The following OTUD7A variants were observed in gnomAD, a reference collection of about 807,000 sequenced individuals.
The protein encoded by OTUD7A is OTU deubiquitinase 7A, also known as OTU domain-containing protein 7A.
OTUD7A carries 12 observed loss-of-function variants against 65.7 expected under a neutral mutation model. That is an observed-to-expected ratio of 0.18 (90% CI 0.12 to 0.30). OTUD7A has a LOEUF of 0.30. OTUD7A is among the 10% of genes least tolerant of loss of function. OTUD7A has a pLI of 1.00. For missense variants in OTUD7A, 1,148 were observed against 1,304.8 expected, an observed-to-expected ratio of 0.88 and a Z score of 1.85; for synonymous variants, 641 against 586.3, an observed-to-expected ratio of 1.09 and a Z score of -1.35.
At chr15:31,629,523 A>G (rs963678465) in intron 3 of OTUD7A, among the ~76,000 whole-genome samples, 2 of 152,166 alleles carry the variant, frequency 1.3e-5, no homozygotes, top group Non-Finnish European at 2.9e-5. Flanking sequence ...TTTTGCATCA[A>G]TGTTCATCAA....
intron 3 of OTUD7A, among the ~76,000 whole-genome samples, chr15:31,591,314 G>C (rs1048616546): frequency 2.6e-5 from 4 of 151,900 alleles, no homozygotes; most frequent in Admixed American, 2.0e-4. Context: ...ACATGGGGAA[G>C]GGGCACATCC....
chr15:31,775,752 G>T (rs1391981606), intron 1 of OTUD7A, among the ~76,000 whole-genome samples: 1 of 152,192 alleles, frequency 6.6e-6, no homozygotes, highest in Non-Finnish European at 1.5e-5. Context: ...GTAGACATGG[G>T]CATGGCAGCA....
At chr15:31,499,766 G>C (rs184053556) in intron 10 of OTUD7A, among the ~76,000 whole-genome samples, 22 of 152,330 alleles carry the variant, frequency 1.4e-4, no homozygotes, top group African/African-American at 5.0e-4. Flanking sequence ...CCAGTGGGCT[G>C]CTTTGACTGT....
intron 8 of OTUD7A, among the ~76,000 whole-genome samples, chr15:31,520,140 A>G (rs2041918141): frequency 6.6e-6 from 1 of 152,202 alleles, no homozygotes; most frequent in African/African-American, 2.4e-5. Flanking sequence ...ATAAAAAACA[A>G]TAAATTTCAT....
chr15:31,835,771 T>A (rs373399366), intron 1 of OTUD7A, among the ~76,000 whole-genome samples: 1 of 151,696 alleles, frequency 6.6e-6, no homozygotes, highest in Non-Finnish European at 1.5e-5. Flanking sequence ...TATATCTGTA[T>A]ACACATACAC....
Position 31,646,529 on chromosome 15 carries a change from T to C in OTUD7A, c.151+8567A>G, listed in dbSNP as rs36118144. Among the ~76,000 whole-genome samples the C allele has an allele frequency of 6.2e-3, 934 of 151,642 alleles. 12 individuals are homozygous for C. The highest frequency in any genetic ancestry group is 0.048 in the East Asian group (248 of 5,152). The stretch of plus-strand genomic sequence containing the variant: ...AGGCTGGAGTACAATGGTGTGATCT[T>C]GGCTCACTGCAACCTCTGCCTCCTG... On this transcript the variant is annotated intron_variant, in intron 3 of 12. Coordinates refer to ENST00000307050, the MANE Select transcript of OTUD7A (RefSeq NM_001382637.1).
intron 1 of OTUD7A, among the ~76,000 whole-genome samples, chr15:31,663,895 C>T (rs961939147): frequency 1.3e-5 from 2 of 152,132 alleles, no homozygotes; most frequent in Non-Finnish European, 2.9e-5. Flanking sequence ...CATAGCTTAG[C>T]TCCCACATAT....
At chr15:31,797,003 G>A (rs1415147403) in intron 1 of OTUD7A, among the ~76,000 whole-genome samples, 1 of 152,204 alleles carries the variant, frequency 6.6e-6, no homozygotes, top group Non-Finnish European at 1.5e-5. Flanking sequence ...CAAAGTGCTG[G>A]GATTACAGGC....
intron 3 of OTUD7A, among the ~76,000 whole-genome samples, chr15:31,592,655 C>T (rs1035150570): frequency 6.6e-6 from 1 of 151,444 alleles, no homozygotes; most frequent in Non-Finnish European, 1.5e-5. Flanking sequence ...CTGAGGCGGG[C>T]AGATCACGAG....
chr15:31,790,134 T>TC (rs754173760), intron 1 of OTUD7A, among the ~76,000 whole-genome samples: 24 of 152,192 alleles, frequency 1.6e-4, no homozygotes, highest in Non-Finnish European at 3.2e-4. Context: ...CGGGAGTACA[T>TC]CACACTTCCT....
intron 1 of OTUD7A, among the ~76,000 whole-genome samples, chr15:31,718,947 C>A (rs1033908463): frequency 2.6e-4 from 39 of 150,632 alleles, no homozygotes; most frequent in Middle Eastern, 3.4e-3. Context: ...TTTATATAAC[C>A]TGCTATTCTA....
chr15:31,850,554 T>TATAATAATA (rs71113425), intron 1 of OTUD7A, among the ~76,000 whole-genome samples: 35 of 150,258 alleles, frequency 2.3e-4, no homozygotes, highest in African/African-American at 7.3e-4. Context: ...AAACTTAAAG[T>TATAATAATA]ATAATAATAA....
At chr15:31,557,960 G>A (rs1888553357) in intron 5 of OTUD7A, 1 of 152,188 alleles carries the variant, frequency 6.6e-6, no homozygotes, top group African/African-American at 2.4e-5. Context: ...CTTGGAAGTG[G>A]AGGCTCCACT....
chr15:31,766,362 AAAC>A, intron 1 of OTUD7A: 1 of 1,591,948 alleles, frequency 6.3e-7, no homozygotes, highest in Non-Finnish European at 8.6e-7. Flanking sequence ...GGGAAATAAC[AAAC>A]AACATAACTG....
At chr15:31,717,467 A>C (rs568357662) in intron 1 of OTUD7A, among the ~76,000 whole-genome samples, 4 of 151,886 alleles carry the variant, frequency 2.6e-5, no homozygotes, top group African/African-American at 9.7e-5. Flanking sequence ...TTCAACTCCC[A>C]CTTATGAGTG....
intron 1 of OTUD7A, among the ~76,000 whole-genome samples, chr15:31,679,062 G>A (rs1289687720): frequency 9.9e-5 from 15 of 152,218 alleles, no homozygotes; most frequent in Admixed American, 2.0e-4. Context: ...GGAGTCAGAG[G>A]AGATCATTTT....
At chr15:31,678,492 G>T (rs1422160554) in intron 1 of OTUD7A, among the ~76,000 whole-genome samples, 3 of 152,192 alleles carry the variant, frequency 2.0e-5, no homozygotes, top group African/African-American at 7.2e-5. Flanking sequence ...CGGTTTTGTG[G>T]GTTGGGCCCA....
intron 1 of OTUD7A, among the ~76,000 whole-genome samples, chr15:31,738,843 C>T (rs1035687776): frequency 1.3e-5 from 2 of 152,238 alleles, no homozygotes; most frequent in South Asian, 4.1e-4. Context: ...TCAAATTACT[C>T]TTCAGCGGAC....
In OTUD7A at chr15:31,596,084, C is replaced by T. The variant is rs978377523; in HGVS notation, c.152-25887G>A. 3.3e-5 allele frequency among the ~76,000 whole-genome samples: 5 copies of T among 152,150 alleles called. No homozygotes were observed. In the East Asian group the frequency reaches 7.7e-4, roughly 23 times the overall value. ...ATCTATTTTAAAGTCACCTGATTAG[C>T]GACCTGAATTCCATCTGCAAAGTCC... On this transcript the variant is annotated intron_variant, in intron 3 of 12. Transcript: ENST00000307050.
Sources: gnomAD v4.1 joint callset for allele counts (sites outside exome capture counted in the v4.1 genomes callset) on GRCh38, gnomAD v4.1.1 for gene constraint, MANE v1.5 for transcripts, NCBI Gene and HGNC (gene_info 2026-07-23, HGNC 2026-07-21) for gene names.